The following SGCD variants were observed in gnomAD, a reference collection of about 807,000 sequenced individuals.
SGCD encodes the protein sarcoglycan delta, also known as delta-sarcoglycan.
In SGCD, 18 loss-of-function variants were observed where a neutral mutation model predicts 36.6. The ratio of observed to expected loss-of-function variants is 0.49; its 90% CI spans 0.34 to 0.73. The LOEUF is 0.73. Among genes scored for constraint, SGCD ranks in the 30% least tolerant of loss-of-function variants. SGCD has a pLI of 0.01. For synonymous variants in SGCD, 133 were observed against 130.6 expected (o/e 1.02, Z -0.12); for missense variants, 387 against 346.7 (o/e 1.12, Z -0.92).
chr5:156,309,167 T>A (rs1767318976), intron 3 of SGCD, among the ~76,000 whole-genome samples: 1 of 152,168 alleles, frequency 6.6e-6, no homozygotes, highest in Non-Finnish European at 1.5e-5. Context: ...CATGAATGTT[T>A]ATATTAATGT....
chr5:156,499,331 T>C (rs1756349359), intron 3 of SGCD, among the ~76,000 whole-genome samples: 1 of 152,168 alleles, frequency 6.6e-6, no homozygotes, highest in Admixed American at 6.6e-5. Flanking sequence ...GCCGATTTCT[T>C]TTTTTCTCTT....
At chr5:155,970,841 A>G (rs1158239790) in intron 1 of SGCD, among the ~76,000 whole-genome samples, 1 of 152,196 alleles carries the variant, frequency 6.6e-6, no homozygotes, top group Non-Finnish European at 1.5e-5. Flanking sequence ...TTCAGTAGCA[A>G]GTATCAGGAC....
chr5:155,743,680 G>C, the SGCD span, among the ~76,000 whole-genome samples: 1 of 152,132 alleles, frequency 6.6e-6, no homozygotes. Context: ...GCACTGCTAG[G>C]CCTGGAGCAA....
At chr5:156,436,716 G>A (rs1753262400) in intron 3 of SGCD, among the ~76,000 whole-genome samples, 1 of 152,160 alleles carries the variant, frequency 6.6e-6, no homozygotes, top group East Asian at 1.9e-4. Context: ...ACCCTGTGAA[G>A]AAGCAAAGGT....
chr5:156,750,542 G>A lies in SGCD; in HGVS notation c.576-7039G>A, dbSNP rs80048103. 1.2e-3 allele frequency among the ~76,000 whole-genome samples: 188 copies of A among 152,030 alleles called. 3 individuals are homozygous for A. The East Asian group carries it at 0.03, about 24-fold the overall frequency. ...AAAATACAAAAATTAGCCAGGTGTG[G>A]TGGTGGGCACCTGTAGTCCCAGCTA... On this transcript the variant is annotated intron_variant, in intron 7 of 8. Coordinates refer to ENST00000337851, the MANE Select transcript of SGCD (RefSeq NM_000337.6).
intron 3 of SGCD, among the ~76,000 whole-genome samples, chr5:156,147,100 A>G (rs1454496820): frequency 6.6e-6 from 1 of 152,238 alleles, no homozygotes; most frequent in East Asian, 1.9e-4. Context: ...TTAAAGGAAC[A>G]ACGTAATGTC....
chr5:156,195,946 A>G (rs1174826812), intron 3 of SGCD, among the ~76,000 whole-genome samples: 2 of 152,234 alleles, frequency 1.3e-5, no homozygotes, highest in Admixed American at 1.3e-4. Context: ...AATGAAACTC[A>G]TGCCACCCGC....
At position 155,907,134 on chromosome 5, in the gene SGCD, G is replaced by T. The variant is rs912270476; in HGVS notation, c.-282+36710G>T. ...CTGCCTGTGCTCTAGAAATGGAACA[G>T]CAAAGCCTAGCTTACAGTTTATCTG... On this transcript the variant is annotated intron_variant, in intron 1 of 9. Coordinates refer to the SGCD transcript ENST00000517913. Among the ~76,000 whole-genome samples, 3 of 150,242 alleles carry T rather than the reference G, an allele frequency of 2.0e-5. No individual in the cohort carries two copies. The Admixed American group carries it at 2.0e-4, about 10-fold the overall frequency.
intron 7 of SGCD, among the ~76,000 whole-genome samples, chr5:156,717,331 C>A (rs1755271497): frequency 6.6e-6 from 1 of 152,100 alleles, no homozygotes; most frequent in African/African-American, 2.4e-5. Context: ...TGACTCCCAC[C>A]CAACTCGTGA....
intron 3 of SGCD, among the ~76,000 whole-genome samples, chr5:156,463,217 T>G (rs1362998155): frequency 6.6e-6 from 1 of 151,982 alleles, no homozygotes; most frequent in South Asian, 2.1e-4. Context: ...TTTTTTGTAT[T>G]TTTTTTAGGA....
intron 3 of SGCD, among the ~76,000 whole-genome samples, chr5:156,153,794 C>T (rs867926475): frequency 2.0e-5 from 3 of 151,652 alleles, no homozygotes; most frequent in Middle Eastern, 3.4e-3. Context: ...TTCCAGGCCA[C>T]ACCCAAAACC....
chr5:156,576,339 G>A (rs1043563503), intron 4 of SGCD, among the ~76,000 whole-genome samples: 2 of 152,190 alleles, frequency 1.3e-5, no homozygotes, highest in South Asian at 4.1e-4. Context: ...GGACATTTGG[G>A]TTGGTTCCAA....
chr5:156,070,371 T>G (rs1378207599), intron 1 of SGCD, among the ~76,000 whole-genome samples: 1 of 150,762 alleles, frequency 6.6e-6, no homozygotes, highest in Non-Finnish European at 1.5e-5. Context: ...AGGCCTTTTC[T>G]GCATCTATTG....
At chr5:156,096,122 C>T (rs912830828) in intron 1 of SGCD, among the ~76,000 whole-genome samples, 1 of 152,130 alleles carries the variant, frequency 6.6e-6, no homozygotes, top group Non-Finnish European at 1.5e-5. Flanking sequence ...TCCCCAGAGC[C>T]CCAGCTATGA....
At chr5:156,013,640 C>G (rs1484236135) in intron 1 of SGCD, among the ~76,000 whole-genome samples, 1 of 151,978 alleles carries the variant, frequency 6.6e-6, no homozygotes, top group Non-Finnish European at 1.5e-5. Flanking sequence ...ATTATTATTT[C>G]TTCTTTATAA....
chr5:156,466,528 A>C (rs1454551882), intron 3 of SGCD, among the ~76,000 whole-genome samples: 1 of 152,182 alleles, frequency 6.6e-6, no homozygotes, highest in Non-Finnish European at 1.5e-5. Flanking sequence ...TGCAAGTCAG[A>C]GAGAATGTGT....
intron 1 of SGCD, among the ~76,000 whole-genome samples, chr5:155,940,737 C>T (rs566742262): frequency 4.6e-5 from 7 of 151,952 alleles, no homozygotes; most frequent in East Asian, 1.9e-4. Flanking sequence ...CCTAACTATT[C>T]GGGAGGCTGA....
intron 3 of SGCD, among the ~76,000 whole-genome samples, chr5:156,149,679 CA>C (rs1356191167): frequency 6.6e-6 from 1 of 151,728 alleles, no homozygotes; most frequent in African/African-American, 2.4e-5. Context: ...GTGAAGGGGC[CA>C]GGGGAGGTGG....
At chr5:156,186,312 G>A (rs1441075170) in intron 3 of SGCD, among the ~76,000 whole-genome samples, 1 of 152,046 alleles carries the variant, frequency 6.6e-6, no homozygotes, top group Non-Finnish European at 1.5e-5. Flanking sequence ...GGGTGAAGAT[G>A]GACTGGTTGT....
Sources: gnomAD v4.1 joint callset for allele counts (sites outside exome capture counted in the v4.1 genomes callset) on GRCh38, gnomAD v4.1.1 for gene constraint, MANE v1.5 for transcripts, NCBI Gene and HGNC (gene_info 2026-07-23, HGNC 2026-07-21) for gene names.